Variants in SLC9C2 observed in about 807,000 individuals in gnomAD.
SLC9C2 encodes the protein sodium/hydrogen exchanger 11.
In SLC9C2, 75 loss-of-function variants were observed where a neutral mutation model predicts 140.2. The ratio of observed to expected loss-of-function variants is 0.53; its 90% CI spans 0.44 to 0.65. The LOEUF (loss-of-function observed/expected upper bound fraction) is 0.65. SLC9C2 is among the 30% of genes least tolerant of loss of function. The probability of loss-of-function intolerance (pLI) is 0.00; values close to 1 mark genes in which losing one functional copy is unlikely to be tolerated. For synonymous variants in SLC9C2, 375 were observed against 420.9 expected (o/e 0.89, Z 1.34); for missense variants, 1,074 against 1,331.8 (o/e 0.81, Z 3.01).
At chr1:173,569,923 A>G (rs907040492) in intron 9 of SLC9C2, among the ~76,000 whole-genome samples, 2 of 152,210 alleles carry the variant, frequency 1.3e-5, no homozygotes, top group Admixed American at 1.3e-4. Context: ...CAGGCAGGAA[A>G]GCCTCTCCCT....
intron 23 of SLC9C2, among the ~76,000 whole-genome samples, chr1:173,513,439 G>A (rs967795847): frequency 6.6e-6 from 1 of 152,138 alleles, no homozygotes; most frequent in Admixed American, 6.5e-5. Context: ...AGATTTTCTA[G>A]TTTATTTACA....
chr1:173,508,393 A>G (rs1486090419), intron 24 of SLC9C2, among the ~76,000 whole-genome samples: 1 of 152,060 alleles, frequency 6.6e-6, no homozygotes, highest in Non-Finnish European at 1.5e-5. Context: ...TTGTGAATTT[A>G]AAAAAATTTA....
chr1:173,522,208 T>A (rs1258237732), intron 21 of SLC9C2, among the ~76,000 whole-genome samples: 2 of 126,600 alleles, frequency 1.6e-5, no homozygotes, highest in East Asian at 6.8e-4. Context: ...GGCGACAGAG[T>A]GAGACTCCAT....
At chr1:173,501,702 C>T (rs1417895188) in intron 27 of SLC9C2, among the ~76,000 whole-genome samples, 1 of 151,556 alleles carries the variant, frequency 6.6e-6, no homozygotes, top group Non-Finnish European at 1.5e-5. Context: ...AGCCACCACG[C>T]CAGACCAATT....
intron 22 of SLC9C2, among the ~76,000 whole-genome samples, chr1:173,519,383 A>G (rs1347668677): frequency 6.6e-6 from 1 of 152,222 alleles, no homozygotes; most frequent in Non-Finnish European, 1.5e-5. Context: ...TAGAGCTTCC[A>G]GAAGGTAACA....
Position 173,521,324 on chromosome 1 carries a change from A to G in SLC9C2, c.2716T>C (p.Leu906=). The G allele has an allele frequency of 6.5e-7, 1 of 1,541,752 alleles. No homozygotes were observed. The highest frequency in any genetic ancestry group is 1.3e-5 in the South Asian group (1 of 77,288). Residue 906 remains leucine, a synonymous_variant, in exon 22 of 28, where the codon TTA becomes CTA. Transcript: ENST00000367714. ...ACAATTGCCATTCCTGAAATAATTA[A>G]GTAGATTCCTTGTGGCATTTCACCT... ...KGGEMPQGIY[L]IISGMAILHS...
Position 173,535,855 on chromosome 1 carries a change from C to A in SLC9C2, c.1750G>T (p.Glu584Ter). ...TCAGGTGGAATAAAATGTATCTTTT[C>A]TATACAATATTCCAAGAAAGTTAAA... Reference protein sequence around the residue: ...NVLTFLEYCIEKIHFIPPESN... With the variant: ...NVLTFLEYCI Residue 584 changes from glutamate (E) to a stop codon, truncating the protein, a stop_gained, in exon 15 of 28, where the codon GAA becomes TAA. Coordinates refer to ENST00000367714, the MANE Select transcript of SLC9C2 (RefSeq NM_178527.4). LOFTEE classifies it high-confidence loss of function. 1 of 1,515,378 alleles carries A rather than the reference C, an allele frequency of 6.6e-7. No individual in the cohort carries two copies. The highest frequency in any genetic ancestry group is 8.9e-7 in the Non-Finnish European group (1 of 1,124,266). 93.9% of individuals were successfully genotyped at this position (1,515,378 alleles called of 1,614,324 possible).
chr1:173,506,032 C>G (rs1425317367), intron 25 of SLC9C2, among the ~76,000 whole-genome samples: 1 of 152,168 alleles, frequency 6.6e-6, no homozygotes, highest in East Asian at 1.9e-4. Flanking sequence ...TGTTTCAAAG[C>G]TAAACAAGAT....
intron 4 of SLC9C2, among the ~76,000 whole-genome samples, chr1:173,588,752 G>A (rs982246143): frequency 2.6e-5 from 4 of 152,030 alleles, no homozygotes; most frequent in African/African-American, 4.8e-5. Flanking sequence ...TAGTTTTGGT[G>A]TTAAGATTAA....
At chr1:173,550,786 G>A (rs1240401417) in intron 11 of SLC9C2, among the ~76,000 whole-genome samples, 2 of 150,802 alleles carry the variant, frequency 1.3e-5, no homozygotes, top group South Asian at 2.1e-4. Flanking sequence ...CAGCCTGGTG[G>A]GGTGGTAAGC....
chr1:173,573,582 T>G (rs1203883102), intron 8 of SLC9C2, among the ~76,000 whole-genome samples: 1 of 152,102 alleles, frequency 6.6e-6, no homozygotes, highest in Non-Finnish European at 1.5e-5. Context: ...AGCAGAAAAA[T>G]GAGGACCTCC....
At chr1:173,522,386 C>A (rs1033201341) in intron 21 of SLC9C2, among the ~76,000 whole-genome samples, 1 of 152,076 alleles carries the variant, frequency 6.6e-6, no homozygotes, top group Non-Finnish European at 1.5e-5. Flanking sequence ...TATGCAAAAT[C>A]CAGAAGCAAA....
rs1160580540 is a variant in SLC9C2 at position 173,555,069 on chromosome 1, GGGA to G, written c.1216-258_1216-256del. ...CTGGAGATTCTATGCTAAGGACACA[GGGA>G]GGAGGTCTCCACAGTTGCCACTCCT... On this transcript the variant is annotated intron_variant, in intron 10 of 27. Transcript: ENST00000367714. Among the ~76,000 whole-genome samples, 4 of 152,338 alleles carry G rather than the reference GGGA, an allele frequency of 2.6e-5. No homozygotes were observed. In the East Asian group the frequency reaches 7.7e-4, roughly 29 times the overall value.
chr1:173,501,209 GA>G, intron 27 of SLC9C2, 112 bp from the exon 28 acceptor site: 1 of 1,090,398 alleles, frequency 9.2e-7, no homozygotes, highest in African/African-American at 1.6e-5. Flanking sequence ...TTTATTATCT[GA>G]AACATTCCTC....
intron 3 of SLC9C2, among the ~76,000 whole-genome samples, chr1:173,598,819 A>G (rs185784337): frequency 6.6e-6 from 1 of 152,354 alleles, no homozygotes; most frequent in Admixed American, 6.5e-5. Context: ...TAAAGATGTC[A>G]GCTAGTAGTA....
chr1:173,599,586 A>G (rs1326083151), intron 3 of SLC9C2, among the ~76,000 whole-genome samples: 1 of 151,130 alleles, frequency 6.6e-6, no homozygotes, highest in Non-Finnish European at 1.5e-5. Context: ...CGTGTTAGCC[A>G]GGATGGTCTT....
At chr1:173,520,006 G>T (rs1660692919) in intron 22 of SLC9C2, among the ~76,000 whole-genome samples, 1 of 152,084 alleles carries the variant, frequency 6.6e-6, no homozygotes, top group Admixed American at 6.6e-5. Flanking sequence ...TGGGCGTGGT[G>T]GTGCGTGCCT....
rs776619294 is a variant in SLC9C2, at chr1:173,554,766, A to T, written c.1264T>A (p.Ser422Thr). Reference sequence around the variant, plus strand: ...CTGGCTGACTGAGTCATCACGTATGAATTTATTCCCATTGTCAATAATGAT... The same window carrying T: ...CTGGCTGACTGAGTCATCACGTATGTATTTATTCCCATTGTCAATAATGAT... ...VISLLTMGIN[S>T]YVMTQSARKL... The change falls in exon 11 of 28, where the codon TCA (serine) becomes ACA (threonine). Residue 422 changes from serine to threonine, a missense_variant. By Grantham distance (58) the Ser-to-Thr change is moderately conservative. Coordinates refer to ENST00000367714, the MANE Select transcript of SLC9C2 (RefSeq NM_178527.4). 5.6e-6 allele frequency: 9 copies of T among 1,608,812 alleles called. No individual in the cohort carries two copies. The highest frequency in any genetic ancestry group is 7.7e-6 in the Non-Finnish European group (9 of 1,175,348).
In SLC9C2 at chr1:173,526,589, G is replaced by A. The variant is rs936289815; in HGVS notation, c.2365+74C>T. ...TGAATGAGCAAGTAAATGAAAGCAT[G>A]AATTGTTCTTCTTTTATTAAATTAT... On this transcript the variant is annotated intron_variant, in intron 19 of 27. Transcript: ENST00000367714. The A allele has an allele frequency of 1.6e-5, 21 of 1,275,754 alleles. No individual in the cohort carries two copies. In the African/African-American group the frequency reaches 2.7e-4, roughly 16 times the overall value. 79.0% of individuals were successfully genotyped at this position (1,275,754 alleles called of 1,614,324 possible). A position where few individuals can be genotyped will look rare whatever the true frequency, so the allele number is the denominator to read the frequency against.
Sources: gnomAD v4.1 joint callset for allele counts (sites outside exome capture counted in the v4.1 genomes callset) on GRCh38, gnomAD v4.1.1 for gene constraint, MANE v1.5 for transcripts, NCBI Gene and HGNC (gene_info 2026-07-23, HGNC 2026-07-21) for gene names.